The following GPR146 variants were observed in gnomAD, a reference collection of about 807,000 sequenced individuals.
GPR146 encodes G protein-coupled receptor 146, also known as G-protein coupled receptor 146.
For missense variants in GPR146, 381 were observed against 213.9 expected (o/e 1.78, Z -4.87); for synonymous variants, 203 against 104.3 (o/e 1.95, Z -5.77).
At chr7:1,047,159 C>T (rs1782658110) in intron 1 of GPR146, among the ~76,000 whole-genome samples, 1 of 152,236 alleles carries the variant, frequency 6.6e-6, no homozygotes, top group African/African-American at 2.4e-5. Context: ...GAATGCTGTT[C>T]CACCTTCCTC....
rs200440688 is a variant in GPR146, at chr7:1,058,405, G to A, written c.890G>A (p.Arg297His). The change falls in exon 2 of 2, where the codon CGC (arginine) becomes CAC (histidine). Residue 297 changes from arginine (R) to histidine (H), a missense_variant. By Grantham distance (29) the Arg-to-His change is conservative (BLOSUM62 0). Transcript: ENST00000444847. ...AGCTTTGTGACACCACTTCTCTACC[G>A]CTACATGAACCAGAGCTTCCCCAGC... ...SSSFVTPLLYRYMNQSFPSKL... is the reference protein window; with the variant it reads ...SSSFVTPLLYHYMNQSFPSKL... 1.9e-5 allele frequency: 15 copies of A among 780,634 alleles called. No homozygotes were observed. The highest frequency in any genetic ancestry group is 4.8e-5 in the East Asian group (2 of 41,248). The allele number at this position is 780,634 out of a possible 1,614,324, so 48.4% of individuals were successfully genotyped here.
intron 1 of GPR146, among the ~76,000 whole-genome samples, chr7:1,050,111 C>T (rs950962744): frequency 2.6e-5 from 4 of 152,248 alleles, no homozygotes; most frequent in Non-Finnish European, 4.4e-5. Context: ...AGTGTGAGAC[C>T]TGCTGTCAGC....
rs1007492180 is a variant in GPR146, at chr7:1,052,708, G to A, written c.-24-4784G>A. ...GAGGGTGCAGTGGCGGGCCCCGGAA[G>A]CTGAATATCACCCCCGCCACCGGGC... is the stretch of plus-strand genomic sequence containing the variant. On this transcript the variant is annotated intron_variant, in intron 1 of 1. Coordinates refer to ENST00000444847, the MANE Select transcript of GPR146 (RefSeq NM_001303473.2). This position sits in a 1 kb window ranked among gnomAD's most constrained non-coding sequence, Gnocchi z 4.2. Among the ~76,000 whole-genome samples, 2 of 152,068 alleles carry A rather than the reference G, an allele frequency of 1.3e-5. No homozygotes were observed. Among genetic ancestry groups the A allele is most frequent in the African/African-American group, 4.8e-5 (2 of 41,404 alleles).
At chr7:1,050,213 G>C (rs1427394517) in intron 1 of GPR146, among the ~76,000 whole-genome samples, 2 of 152,160 alleles carry the variant, frequency 1.3e-5, no homozygotes, top group East Asian at 3.9e-4. Flanking sequence ...CACCCTGTGG[G>C]CAGTGACTCC....
At chr7:1,054,009 C>T (rs997230491) in intron 1 of GPR146, among the ~76,000 whole-genome samples, 7 of 152,150 alleles carry the variant, frequency 4.6e-5, no homozygotes, top group African/African-American at 1.4e-4. Flanking sequence ...CAGGCGTGGC[C>T]GAGGAAGGGG....
At chr7:1,055,520 C>G in intron 1 of GPR146, 3 of 448,962 alleles carry the variant, frequency 6.7e-6, no homozygotes, top group East Asian at 7.0e-5. Context: ...GGAGAGGGGA[C>G]GTGGGGGGCT....
intron 1 of GPR146, among the ~76,000 whole-genome samples, chr7:1,046,796 A>G (rs1421369219): frequency 6.6e-6 from 1 of 152,172 alleles, no homozygotes; most frequent in Non-Finnish European, 1.5e-5. Flanking sequence ...CCCCATTTTA[A>G]TTGGAACCAA....
In GPR146 at chr7:1,044,965, G is replaced by A. The variant is rs571221298; in HGVS notation, c.-25+307G>A. Among the ~76,000 whole-genome samples the A allele has an allele frequency of 4.6e-5, 7 of 152,380 alleles. No homozygotes were observed. The South Asian group carries it at 1.5e-3, about 32-fold the overall frequency. On this transcript the variant is annotated intron_variant, in intron 1 of 1. Transcript: ENST00000444847. Reference sequence around the variant, plus strand: ...CACCGGCTCTCCCATGTCCGACAGGGCACCACTGATCCTGCTCTCCTGGGC... The same window carrying A: ...CACCGGCTCTCCCATGTCCGACAGGACACCACTGATCCTGCTCTCCTGGGC...
chr7:1,048,155 C>T (rs954964789), intron 1 of GPR146, among the ~76,000 whole-genome samples: 50 of 152,036 alleles, frequency 3.3e-4, no homozygotes, highest in Non-Finnish European at 8.8e-5. Flanking sequence ...CGAGGGGAAG[C>T]GAGAAAGGGT....
At chr7:1,055,724 G>A (rs963902749) in intron 1 of GPR146, among the ~76,000 whole-genome samples, 2 of 152,130 alleles carry the variant, frequency 1.3e-5, no homozygotes, top group African/African-American at 4.8e-5. Flanking sequence ...GGCCGGGTGT[G>A]CCCTCCTGTC....
rs867533731 is a variant in GPR146, at chr7:1,052,525, G to A, written c.-24-4967G>A. 5.9e-5 allele frequency among the ~76,000 whole-genome samples: 9 copies of A among 152,158 alleles called. No individual in the cohort carries two copies. The highest frequency in any genetic ancestry group is 4.2e-4 in the South Asian group (2 of 4,816). On this transcript the variant is annotated intron_variant, in intron 1 of 1. Transcript: ENST00000444847. This position sits in a 1 kb window ranked among gnomAD's most constrained non-coding sequence, Gnocchi z 4.2. ...AGGTGCTGGAGGAGCAGGGCCTGGCGGAAGAAGTGGGGGAGCCAGGAAGGA... is the reference window on the plus strand; with the variant it reads ...AGGTGCTGGAGGAGCAGGGCCTGGCAGAAGAAGTGGGGGAGCCAGGAAGGA...
At chr7:1,053,934 C>T (rs1384916533) in intron 1 of GPR146, among the ~76,000 whole-genome samples, 6 of 152,366 alleles carry the variant, frequency 3.9e-5, no homozygotes, top group African/African-American at 1.4e-4. Flanking sequence ...TCCTGGAGGG[C>T]ACTCCCAGGG....
rs1246994149 is a variant in GPR146 at position 1,058,622 on chromosome 7, G to C, written c.*105G>C. On this transcript the variant is annotated 3_prime_UTR_variant, in exon 2 of 2. Transcript: ENST00000444847. ...CAGAAGGAGACGAGCTGCTGGAAGA[G>C]AAGCAGGAGGGGTGTTTTTCTTGAA... 1.6e-6 allele frequency: 1 copy of C among 623,166 alleles called. No individual in the cohort carries two copies. Among genetic ancestry groups the C allele is most frequent in the African/African-American group, 1.8e-5 (1 of 54,420 alleles). The allele number at this position is 623,166 out of a possible 1,614,324, so 38.6% of individuals were successfully genotyped here. A position where few individuals can be genotyped will look rare whatever the true frequency, so the allele number is the denominator to read the frequency against.
chr7:1,049,014 T>G (rs541620592), intron 1 of GPR146, among the ~76,000 whole-genome samples: 1 of 152,152 alleles, frequency 6.6e-6, no homozygotes, highest in South Asian at 2.1e-4. Flanking sequence ...GCCTCTGCAG[T>G]CTGAGCGTGC....
intron 1 of GPR146, among the ~76,000 whole-genome samples, chr7:1,047,398 C>G (rs1037628862): frequency 6.6e-6 from 1 of 152,234 alleles, no homozygotes; most frequent in Non-Finnish European, 1.5e-5. Flanking sequence ...CTACAAAAAT[C>G]AAAACCATCC....
At chr7:1,050,188 C>A (rs1228339881) in intron 1 of GPR146, among the ~76,000 whole-genome samples, 1 of 152,252 alleles carries the variant, frequency 6.6e-6, no homozygotes, top group African/African-American at 2.4e-5. Flanking sequence ...CCTGTCCTTT[C>A]CCAGCCTGCC....
intron 1 of GPR146, chr7:1,055,595 G>C (rs964179614): frequency 1.1e-5 from 4 of 374,634 alleles, no homozygotes; most frequent in African/African-American, 4.2e-5. Flanking sequence ...GAGAGAGGAC[G>C]CAGGGGGTTC....
At chr7:1,048,586 C>G (rs868770294) in intron 1 of GPR146, among the ~76,000 whole-genome samples, 2 of 152,160 alleles carry the variant, frequency 1.3e-5, no homozygotes, top group African/African-American at 4.8e-5. Context: ...TCAAAGTTAG[C>G]CCCGGGTTTC....
chr7:1,054,775 G>A (rs1267179205), intron 1 of GPR146, among the ~76,000 whole-genome samples: 1 of 152,196 alleles, frequency 6.6e-6, no homozygotes, highest in Admixed American at 6.5e-5. Context: ...CTTTTCTCTG[G>A]CCATGCCCAT....
Sources: allele counts gnomAD v4.1 joint callset (sites outside exome capture counted in the v4.1 genomes callset), GRCh38; gene constraint gnomAD v4.1.1; non-coding constraint Gnocchi (gnomAD v3.1); transcripts MANE v1.5; gene names NCBI Gene and HGNC (gene_info 2026-07-23, HGNC 2026-07-21).